GPR89B: variants seen among roughly 807,000 people sequenced by gnomAD.
The protein encoded by GPR89B is G protein-coupled receptor 89B.
Under a neutral mutation model 52.4 loss-of-function variants are expected in GPR89B, and 25 were observed. That is an observed-to-expected ratio of 0.48 (90% CI 0.35 to 0.67). GPR89B has a LOEUF of 0.67. Ranked by LOEUF, GPR89B falls within the 30% of genes least tolerant of loss-of-function variation. The probability of loss-of-function intolerance (pLI) is 0.01; values close to 1 mark genes in which losing one functional copy is unlikely to be tolerated. For synonymous variants in GPR89B, 52 were observed against 151.2 expected (o/e 0.34, Z 4.81); for missense variants, 146 against 450.2 (o/e 0.32, Z 6.11).
intron 5 of GPR89B, among the ~76,000 whole-genome samples, chr1:147,950,787 G>C (rs199696256): frequency 1.3e-5 from 2 of 151,856 alleles, no homozygotes; most frequent in Non-Finnish European, 1.5e-5. Flanking sequence ...ACGAAAACCA[G>C]TCAGGCGTGG....
the GPR89B span, among the ~76,000 whole-genome samples, chr1:148,004,323 A>ATTT: frequency 0.017 from 2,368 of 141,512 alleles, 45 homozygotes; most frequent in African/African-American, 0.049. Flanking sequence ...CACCTGGCTA[A>ATTT]TTTTTTTTTT....
the GPR89B span, among the ~76,000 whole-genome samples, chr1:148,019,799 C>G: frequency 6.6e-6 from 1 of 152,012 alleles, no homozygotes; most frequent in Non-Finnish European, 1.5e-5. Context: ...TTTCCCTGAA[C>G]TGGCCTCCTT....
chr1:147,952,155 A>C (rs1427444144), intron 5 of GPR89B, among the ~76,000 whole-genome samples: 3 of 152,136 alleles, frequency 2.0e-5, no homozygotes, highest in African/African-American at 7.3e-5. Flanking sequence ...ACCAAGGGCA[A>C]GATAAGGATT....
chr1:148,011,866 T>G, the GPR89B span: 1 of 152,164 alleles, frequency 6.6e-6, no homozygotes, highest in Non-Finnish European at 1.5e-5. Context: ...CGGTTTTGCT[T>G]TATACCTCTT....
chr1:148,000,694 A>T, the GPR89B span, among the ~76,000 whole-genome samples: 4 of 151,376 alleles, frequency 2.6e-5, no homozygotes, highest in Admixed American at 2.0e-4. Flanking sequence ...CTTTACAATC[A>T]ACACTTAGCA....
At chr1:147,983,742 G>C (rs1658442368) in intron 10 of GPR89B, among the ~76,000 whole-genome samples, 2 of 151,860 alleles carry the variant, frequency 1.3e-5, no homozygotes. Flanking sequence ...CTGTAAACTA[G>C]TTCAACCCTT....
At chr1:147,987,722 T>C (rs1658768925) in intron 11 of GPR89B, among the ~76,000 whole-genome samples, 1 of 152,104 alleles carries the variant, frequency 6.6e-6, no homozygotes, top group Non-Finnish European at 1.5e-5. Context: ...ATGTTAGTAA[T>C]AGCAGCTCCC....
intron 10 of GPR89B, among the ~76,000 whole-genome samples, chr1:147,980,970 A>G (rs1298104684): frequency 2.0e-5 from 3 of 150,894 alleles, no homozygotes; most frequent in African/African-American, 7.4e-5. Flanking sequence ...TTTCATATAA[A>G]TGGAATCACA....
At chr1:147,949,682 C>T (rs1291871821) in intron 5 of GPR89B, among the ~76,000 whole-genome samples, 2 of 137,202 alleles carry the variant, frequency 1.5e-5, no homozygotes, top group Non-Finnish European at 3.1e-5. Flanking sequence ...CTGACCCCCC[C>T]ACCTCCTTCG....
chr1:147,956,741 A>AT (rs1217901037), intron 7 of GPR89B, among the ~76,000 whole-genome samples: 4,418 of 144,650 alleles, frequency 0.031, 204 homozygotes, highest in African/African-American at 0.099. Context: ...GTCTATTGTG[A>AT]TTTTTTTTTT....
intron 10 of GPR89B, among the ~76,000 whole-genome samples, chr1:147,970,706 C>G (rs1363692318): frequency 3.1e-3 from 460 of 150,160 alleles, no homozygotes; most frequent in African/African-American, 0.011. Flanking sequence ...TATGTGTATA[C>G]CTAAAAAATT....
rs2149027678 is a variant in GPR89B, at chr1:147,928,471, T to C, written c.-66T>C. On this transcript the variant is annotated 5_prime_UTR_variant, in exon 1 of 14. Transcript: ENST00000314163. ...AAGGCAGACCGTGTGAGGGGGCCTG[T>C]GGCCCCAGCGTGCTGTGGCCTCCGG... 1 of 1,575,728 alleles carries C rather than the reference T, an allele frequency of 6.3e-7. No homozygotes were observed. The highest frequency in any genetic ancestry group is 8.7e-7 in the Non-Finnish European group (1 of 1,145,502).
intron 1 of GPR89B, among the ~76,000 whole-genome samples, chr1:147,934,215 C>T (rs1431762809): frequency 6.6e-6 from 1 of 151,510 alleles, no homozygotes; most frequent in Non-Finnish European, 1.5e-5. Context: ...TTCGCTCTGT[C>T]ACCCAGGCTG....
chr1:148,016,667 G>A, the GPR89B span, among the ~76,000 whole-genome samples: 2 of 151,874 alleles, frequency 1.3e-5, no homozygotes, highest in Admixed American at 6.6e-5. Flanking sequence ...GAATCAGGAG[G>A]TGTTGAGTGA....
At chr1:147,928,684 C>T (rs587670138) in intron 1 of GPR89B, 106 bp downstream of exon 1, 3 of 1,474,218 alleles carry the variant, frequency 2.0e-6, no homozygotes, top group African/African-American at 2.8e-5. Context: ...TCCTCTCTTA[C>T]GCGGCCTGCG....
the GPR89B span, among the ~76,000 whole-genome samples, chr1:148,020,724 GC>G: frequency 2.0e-5 from 3 of 151,728 alleles, no homozygotes; most frequent in Non-Finnish European, 4.4e-5. Flanking sequence ...TCTCTGTCTG[GC>G]CCCCCAGATT....
At chr1:148,021,187 C>T in the GPR89B span, among the ~76,000 whole-genome samples, 12 of 151,516 alleles carry the variant, frequency 7.9e-5, no homozygotes, top group Non-Finnish European at 1.8e-4. Flanking sequence ...GACCACATCT[C>T]GCGATGGAGT....
chr1:147,928,463 G>A lies in GPR89B; in HGVS notation c.-74G>A, dbSNP rs761033503. On this transcript the variant is annotated 5_prime_UTR_variant, in exon 1 of 14. Coordinates refer to ENST00000314163, the MANE Select transcript of GPR89B (RefSeq NM_016334.5). The stretch of plus-strand genomic sequence containing the variant: ...CCTGGGAGAAGGCAGACCGTGTGAG[G>A]GGGCCTGTGGCCCCAGCGTGCTGTG... The A allele has an allele frequency of 1.1e-3, 1,687 of 1,580,130 alleles. 1 individual carries two copies. Among genetic ancestry groups the A allele is most frequent in the Non-Finnish European group, 1.4e-3 (1,615 of 1,150,434 alleles).
rs1476623753 is a variant in GPR89B at position 147,972,108 on chromosome 1, G to A, written c.909+2149G>A. ...TTTTTCTGTCTGGCTTATTTTACTC[G>A]GCATGATTATTTTACATTTTATCCA... On this transcript the variant is annotated intron_variant, in intron 10 of 13. Coordinates refer to ENST00000314163, the MANE Select transcript of GPR89B (RefSeq NM_016334.5). 3.3e-5 allele frequency among the ~76,000 whole-genome samples: 5 copies of A among 150,610 alleles called. No homozygotes were observed. The East Asian group carries it at 5.9e-4, about 18-fold the overall frequency.
Sources: gnomAD v4.1 joint callset for allele counts (sites outside exome capture counted in the v4.1 genomes callset) on GRCh38, gnomAD v4.1.1 for gene constraint, MANE v1.5 for transcripts, NCBI Gene and HGNC (gene_info 2026-07-23, HGNC 2026-07-21) for gene names.